ADGRL3: variants seen among roughly 807,000 people sequenced by gnomAD.
The protein encoded by ADGRL3 is adhesion G protein-coupled receptor L3.
ADGRL3 carries 62 observed loss-of-function variants against 153.5 expected under a neutral mutation model. The ratio of observed to expected loss-of-function variants is 0.40; its 90% confidence interval spans 0.33 to 0.50. ADGRL3 has a LOEUF of 0.50. Ranked by LOEUF, ADGRL3 falls within the 20% of genes least tolerant of loss-of-function variation. ADGRL3 has a pLI of 0.47. For synonymous variants in ADGRL3, 710 were observed against 672.5 expected (o/e 1.06, Z -0.86); for missense variants, 1,641 against 1,859.4 (o/e 0.88, Z 2.16).
At chr4:61,222,211 T>G (rs1040014483) in intron 1 of ADGRL3, among the ~76,000 whole-genome samples, 1 of 152,152 alleles carries the variant, frequency 6.6e-6, no homozygotes, top group African/African-American at 2.4e-5. Flanking sequence ...GGTCAAGATT[T>G]TTTTGGGTCC....
At chr4:62,013,468 G>A (rs2099196263) in intron 21 of ADGRL3, among the ~76,000 whole-genome samples, 1 of 151,876 alleles carries the variant, frequency 6.6e-6, no homozygotes, top group Non-Finnish European at 1.5e-5. Flanking sequence ...CTTGAACCTG[G>A]GAGGCGGAGG....
At chr4:61,400,093 A>C (rs1328773501) in intron 2 of ADGRL3, among the ~76,000 whole-genome samples, 1 of 151,758 alleles carries the variant, frequency 6.6e-6, no homozygotes, top group Non-Finnish European at 1.5e-5. Flanking sequence ...CTTCTACTGG[A>C]GTGCTGATTA....
intron 21 of ADGRL3, among the ~76,000 whole-genome samples, chr4:61,998,535 C>G (rs763514921): frequency 6.6e-6 from 1 of 151,300 alleles, no homozygotes; most frequent in African/African-American, 2.4e-5. Flanking sequence ...GTCCTGAAAA[C>G]AAGCACAACG....
At chr4:61,726,207 T>G (rs949350034) in intron 6 of ADGRL3, among the ~76,000 whole-genome samples, 2 of 138,024 alleles carry the variant, frequency 1.4e-5, no homozygotes, top group African/African-American at 5.4e-5. Flanking sequence ...AACTTTTTTT[T>G]TTGTTTTTTG....
chr4:61,287,105 AT>A (rs1326694831), intron 1 of ADGRL3, among the ~76,000 whole-genome samples: 2 of 151,842 alleles, frequency 1.3e-5, no homozygotes, highest in East Asian at 3.9e-4. Context: ...AAGATTCCAT[AT>A]TCTCTGTACT....
At chr4:61,727,848 A>T (rs2096375825) in intron 6 of ADGRL3, among the ~76,000 whole-genome samples, 2 of 152,096 alleles carry the variant, frequency 1.3e-5, no homozygotes, top group African/African-American at 4.8e-5. Flanking sequence ...TTTTTACCAC[A>T]TGCTTAAAAT....
At chr4:61,368,504 G>A (rs576733810) in intron 1 of ADGRL3, among the ~76,000 whole-genome samples, 1 of 152,042 alleles carries the variant, frequency 6.6e-6, no homozygotes, top group Non-Finnish European at 1.5e-5. Context: ...CCCATTGCTT[G>A]TTTTTCTCAG....
intron 9 of ADGRL3, among the ~76,000 whole-genome samples, chr4:61,860,854 C>G (rs1226789618): frequency 6.6e-6 from 1 of 152,052 alleles, no homozygotes; most frequent in Admixed American, 6.6e-5. Context: ...CAAAACTGAG[C>G]CTTAGCAAGT....
intron 3 of ADGRL3, among the ~76,000 whole-genome samples, chr4:61,506,441 G>A (rs575289437): frequency 7.9e-5 from 12 of 152,124 alleles, no homozygotes; most frequent in Admixed American, 2.6e-4. Context: ...GAGTCTACAC[G>A]TTTGTACACA....
chr4:61,326,257 T>A (rs1220264839), intron 1 of ADGRL3, among the ~76,000 whole-genome samples: 3 of 152,114 alleles, frequency 2.0e-5, no homozygotes, highest in Non-Finnish European at 4.4e-5. Flanking sequence ...ATTAGCCGGT[T>A]TTTTTCCTCT....
chr4:61,538,525 C>T (rs532679156), intron 4 of ADGRL3, among the ~76,000 whole-genome samples: 32 of 152,268 alleles, frequency 2.1e-4, no homozygotes, highest in East Asian at 3.9e-4. Context: ...CCGCAACCTC[C>T]GCTTCCCAGC....
chr4:61,667,883 C>T (rs989806171), intron 5 of ADGRL3, among the ~76,000 whole-genome samples: 7 of 152,108 alleles, frequency 4.6e-5, no homozygotes, highest in African/African-American at 7.2e-5. Context: ...CCACTTTAGC[C>T]ATGCTCCTTG....
chr4:61,386,264 G>A (rs2096735257), intron 2 of ADGRL3, among the ~76,000 whole-genome samples: 1 of 151,942 alleles, frequency 6.6e-6, no homozygotes, highest in African/African-American at 2.4e-5. Context: ...TCTATTATAG[G>A]TTATTTTTCA....
chr4:61,662,159 G>T (rs1050368989), intron 5 of ADGRL3, among the ~76,000 whole-genome samples: 1 of 152,204 alleles, frequency 6.6e-6, no homozygotes, highest in Admixed American at 6.5e-5. Context: ...CAGGACAGGA[G>T]CCTCGTGCTC....
intron 1 of ADGRL3, among the ~76,000 whole-genome samples, chr4:61,312,418 A>G (rs1444168347): frequency 1.3e-5 from 2 of 152,206 alleles, no homozygotes; most frequent in Non-Finnish European, 2.9e-5. Context: ...AAAGTAATTG[A>G]TAAGTATAAT....
At chr4:61,246,655 A>G (rs555265028) in intron 1 of ADGRL3, among the ~76,000 whole-genome samples, 4 of 151,902 alleles carry the variant, frequency 2.6e-5, no homozygotes, top group Non-Finnish European at 4.4e-5. Context: ...TTTTCCAGCA[A>G]AAATGAAGTT....
At chr4:61,270,620 G>A (rs2093116799) in intron 1 of ADGRL3, among the ~76,000 whole-genome samples, 1 of 151,700 alleles carries the variant, frequency 6.6e-6, no homozygotes, top group Non-Finnish European at 1.5e-5. Context: ...AAAATGCCGA[G>A]GCAGGAAATT....
chr4:61,877,246 G>A (rs1480853924), intron 9 of ADGRL3, among the ~76,000 whole-genome samples: 5 of 152,178 alleles, frequency 3.3e-5, no homozygotes, highest in East Asian at 1.9e-4. Context: ...ACACAACAAC[G>A]TGGGTGGACC....
chr4:62,007,021 C>A (rs2099161579), intron 21 of ADGRL3, among the ~76,000 whole-genome samples: 1 of 152,046 alleles, frequency 6.6e-6, no homozygotes. Context: ...ACATCATCCT[C>A]AGAATGCTGG....
Sources: gnomAD v4.1 joint callset for allele counts (sites outside exome capture counted in the v4.1 genomes callset) on GRCh38, gnomAD v4.1.1 for gene constraint, MANE v1.5 for transcripts, NCBI Gene and HGNC (gene_info 2026-07-23, HGNC 2026-07-21) for gene names.